CORO2B: variants seen among roughly 807,000 people sequenced by gnomAD.
The protein encoded by CORO2B is coronin-2B.
CORO2B carries 26 observed loss-of-function variants against 58.8 expected under a neutral mutation model. That is an observed-to-expected ratio of 0.44 (90% CI 0.32 to 0.61). CORO2B has a LOEUF of 0.61. Ranked by LOEUF, CORO2B falls within the 20% of genes least tolerant of loss-of-function variation. The pLI is 0.04. For synonymous variants in CORO2B, 242 were observed against 253.8 expected (o/e 0.95, Z 0.44); for missense variants, 460 against 645.1 (o/e 0.71, Z 3.11).
At chr15:68,723,450 GTTGTT>G (rs1040391062) in intron 11 of CORO2B, among the ~76,000 whole-genome samples, 5 of 151,152 alleles carry the variant, frequency 3.3e-5, no homozygotes, top group African/African-American at 1.2e-4. Flanking sequence ...CTTTGTTGTT[GTTGTT>G]TTGTTTTGTT....
chr15:68,615,998 G>A (rs781606637), intron 1 of CORO2B, among the ~76,000 whole-genome samples: 13 of 152,132 alleles, frequency 8.5e-5, no homozygotes, highest in Non-Finnish European at 1.6e-4. Context: ...CCTACTGTGC[G>A]CCAGACCTGC....
the CORO2B span, among the ~76,000 whole-genome samples, chr15:68,535,793 A>G: frequency 6.6e-6 from 1 of 152,208 alleles, no homozygotes; most frequent in African/African-American, 2.4e-5. Context: ...CAGGTTATTT[A>G]AGAACATCGT....
chr15:68,714,627 T>C lies in CORO2B; in HGVS notation c.834T>C (p.Tyr278=). The part of the protein sequence containing the change: ...DGLSGLLFPF[Y]DADTHMLYLA... ...TCTCTGGCCTCCTGTTCCCCTTCTA[T>C]GATGCTGACACCCACATGCTCTACC... Residue 278 remains tyrosine (Y), a synonymous_variant, in exon 7 of 12, where the codon TAT becomes TAC. Transcript: ENST00000261861. 2 of 1,614,104 alleles carry C rather than the reference T, an allele frequency of 1.2e-6. No individual in the cohort carries two copies. Among genetic ancestry groups the C allele is most frequent in the Non-Finnish European group, 1.7e-6 (2 of 1,180,002 alleles).
intron 3 of CORO2B, among the ~76,000 whole-genome samples, chr15:68,707,545 C>G (rs1892812370): frequency 6.6e-6 from 1 of 152,184 alleles, no homozygotes; most frequent in Non-Finnish European, 1.5e-5. Context: ...AGATGCCTCT[C>G]TGGCCACTTA....
intron 2 of CORO2B, among the ~76,000 whole-genome samples, chr15:68,670,604 T>C (rs1026940586): frequency 5.3e-5 from 8 of 152,268 alleles, no homozygotes; most frequent in African/African-American, 1.9e-4. Context: ...TTATAAATTA[T>C]TAAGAAAAAG....
the CORO2B span, among the ~76,000 whole-genome samples, chr15:68,541,441 G>C: frequency 2.6e-5 from 4 of 152,118 alleles, no homozygotes; most frequent in African/African-American, 4.8e-5. Flanking sequence ...ATGAACAAAG[G>C]CTTTAGAGTA....
At chr15:68,636,071 T>C (rs1901023548) in intron 1 of CORO2B, among the ~76,000 whole-genome samples, 1 of 152,212 alleles carries the variant, frequency 6.6e-6, no homozygotes, top group Non-Finnish European at 1.5e-5. Context: ...CCCAGACGCA[T>C]CTGGAAATGG....
chr15:68,605,711 G>GTTTTTTTTT (rs35340917), intron 1 of CORO2B, among the ~76,000 whole-genome samples: 2 of 99,142 alleles, frequency 2.0e-5, no homozygotes, highest in African/African-American at 4.7e-5. Context: ...GGGCTCTTGG[G>GTTTTTTTTT]TTTTTTTTTT....
In CORO2B at chr15:68,645,219, CA is replaced by C; in HGVS notation, c.77del (p.Asn26ThrfsTer97). 6.2e-7 allele frequency: 1 copy of C among 1,614,218 alleles called. No homozygotes were observed. Among genetic ancestry groups the C allele is most frequent in the East Asian group, 2.2e-5 (1 of 44,860 alleles). On this transcript the variant is annotated frameshift_variant, in exon 2 of 12. Transcript: ENST00000261861. LOFTEE classifies it high-confidence loss of function. This position sits in a 1 kb window ranked among gnomAD's most constrained non-coding sequence, Gnocchi z 4.5. ...KFRNVYGKVA[N>X]REHCFDGIPI... is the part of the protein sequence containing the mutation. ...TCCGGAATGTCTACGGGAAGGTGGC[CA>C]ACCGGGAGCACTGCTTCGATGGGAT... is the stretch of plus-strand genomic sequence containing the variant.
intron 1 of CORO2B, among the ~76,000 whole-genome samples, chr15:68,605,569 G>A (rs1290918568): frequency 6.6e-6 from 1 of 152,182 alleles, no homozygotes; most frequent in East Asian, 1.9e-4. Context: ...AGTGAAAAAG[G>A]TGGGACATAA....
At chr15:68,530,169 C>T in the CORO2B span, among the ~76,000 whole-genome samples, 2 of 151,986 alleles carry the variant, frequency 1.3e-5, no homozygotes, top group Non-Finnish European at 2.9e-5. Flanking sequence ...CTGAAAAATA[C>T]AAAAAATTAG....
At chr15:68,528,894 A>C in the CORO2B span, among the ~76,000 whole-genome samples, 1 of 152,228 alleles carries the variant, frequency 6.6e-6, no homozygotes, top group African/African-American at 2.4e-5. Flanking sequence ...TTTTAGCAGA[A>C]ACAAAACTGA....
chr15:68,570,799 G>GTTTTT, the CORO2B span, among the ~76,000 whole-genome samples: 9 of 78,772 alleles, frequency 1.1e-4, no homozygotes, highest in East Asian at 4.3e-4. Context: ...ACTACACGTA[G>GTTTTT]TTTTTTTTTT....
At chr15:68,661,609 C>A (rs1902018227) in intron 2 of CORO2B, among the ~76,000 whole-genome samples, 1 of 152,182 alleles carries the variant, frequency 6.6e-6, no homozygotes. Context: ...GTAGAGTTAG[C>A]CTACCCCTTT....
chr15:68,637,143 A>C (rs925324573), intron 1 of CORO2B, among the ~76,000 whole-genome samples: 1 of 152,172 alleles, frequency 6.6e-6, no homozygotes, highest in African/African-American at 2.4e-5. Flanking sequence ...ATGCATAACC[A>C]AGTTTGGAAA....
chr15:68,613,704 C>T (rs1041273625), intron 1 of CORO2B, among the ~76,000 whole-genome samples: 4 of 152,186 alleles, frequency 2.6e-5, no homozygotes, highest in African/African-American at 9.7e-5. Context: ...TAGCACATCG[C>T]TAAGAGTTTT....
In CORO2B at chr15:68,645,054, C is replaced by T. The variant is rs769688476; in HGVS notation, c.16-106C>T. 19 of 1,167,474 alleles carry T rather than the reference C, an allele frequency of 1.6e-5. No homozygotes were observed. The highest frequency in any genetic ancestry group is 2.1e-5 in the Non-Finnish European group (17 of 824,710). The allele number at this position is 1,167,474 out of a possible 1,614,324, so 72.3% of individuals were successfully genotyped here. A position where few individuals can be genotyped will look rare whatever the true frequency, so the allele number is the denominator to read the frequency against. ...CCTGACAGGGGACCCAGGGCCTGCT[C>T]ACCTGCTGCACCTCTGAGCCGCAGC... is the stretch of plus-strand genomic sequence containing the variant. On this transcript the variant is annotated intron_variant, in intron 1 of 11. Transcript: ENST00000261861. This position sits in a 1 kb window ranked among gnomAD's most constrained non-coding sequence, Gnocchi z 4.5.
chr15:68,709,659 GTTGC>G (rs1464891231), intron 3 of CORO2B, among the ~76,000 whole-genome samples: 1 of 151,940 alleles, frequency 6.6e-6, no homozygotes, highest in Non-Finnish European at 1.5e-5. Flanking sequence ...GTCTCGCTGT[GTTGC>G]TCATGCTGAA....
intron 1 of CORO2B, among the ~76,000 whole-genome samples, chr15:68,627,422 T>TG (rs35923288): frequency 6.6e-6 from 1 of 151,676 alleles, no homozygotes; most frequent in Non-Finnish European, 1.5e-5. Context: ...AGTGTGTTGG[T>TG]GGGGGGTGGT....
Sources: allele counts gnomAD v4.1 joint callset (sites outside exome capture counted in the v4.1 genomes callset), GRCh38; gene constraint gnomAD v4.1.1; non-coding constraint Gnocchi (gnomAD v3.1); transcripts MANE v1.5; gene names NCBI Gene and HGNC (gene_info 2026-07-23, HGNC 2026-07-21).